RASEF: variants seen among roughly 807,000 people sequenced by gnomAD.
RASEF encodes ras and EF-hand domain-containing protein.
RASEF carries 68 observed loss-of-function variants against 90.1 expected under a neutral mutation model. The ratio of observed to expected loss-of-function variants is 0.75; its 90% confidence interval spans 0.62 to 0.92. The LOEUF is 0.92. Ranked by LOEUF, RASEF falls within the 40% of genes least tolerant of loss-of-function variation. The probability of loss-of-function intolerance (pLI) is 0.00; values close to 1 mark genes in which losing one functional copy is unlikely to be tolerated. For missense variants in RASEF, 949 were observed against 937.2 expected (o/e 1.01, Z -0.16); for synonymous variants, 331 against 345.2 (o/e 0.96, Z 0.46).
the RASEF span, among the ~76,000 whole-genome samples, chr9:83,078,521 G>A: frequency 2.6e-5 from 4 of 152,020 alleles, no homozygotes; most frequent in South Asian, 4.2e-4. Flanking sequence ...AAAATTGGTC[G>A]GGCGTGGTGG....
chr9:83,169,481 A>C, the RASEF span, among the ~76,000 whole-genome samples: 1 of 151,758 alleles, frequency 6.6e-6, no homozygotes, highest in Non-Finnish European at 1.5e-5. Context: ...TGGCTGTGCT[A>C]ATTTACATTG....
chr9:83,012,450 A>G lies in RASEF; in HGVS notation c.827T>C (p.Ile276Thr). The change falls in exon 5 of 17, where the codon ATT becomes ACT. Residue 276 changes from isoleucine to threonine, a missense_variant. Around this residue, in one of 3 missense-constraint regions of RASEF, gnomAD observed 656 missense variants for 592.2 expected, o/e 1.11. Transcript: ENST00000376447. ...AATTCTTACCATTGATAAATCATAA[A>G]TTTGTTTTTTCAATGCAGCCACATC... ...KEDVAALKKQIYDLSMENQKV... is the reference protein window; with the variant it reads ...KEDVAALKKQTYDLSMENQKV... 1 of 1,575,572 alleles carries G rather than the reference A, an allele frequency of 6.3e-7. No homozygotes were observed. Among genetic ancestry groups the G allele is most frequent in the Non-Finnish European group, 8.6e-7 (1 of 1,156,430 alleles).
chr9:83,149,499 G>T, the RASEF span, among the ~76,000 whole-genome samples: 4 of 152,164 alleles, frequency 2.6e-5, no homozygotes, highest in Non-Finnish European at 5.9e-5. Context: ...AAAGGAAATG[G>T]TGTGTAAGAA....
At position 82,990,476 on chromosome 9, in the gene RASEF, A is replaced by G; in HGVS notation, c.2041-9T>C. 1 of 1,599,698 alleles carries G rather than the reference A, an allele frequency of 6.3e-7. No individual in the cohort carries two copies. The highest frequency in any genetic ancestry group is 8.6e-7 in the Non-Finnish European group (1 of 1,168,020). ...AATAATGCCCCATACGTCTGTAAAA[A>G]AGAAATACACACAATTAAATGAAGC... On this transcript the variant is annotated splice_polypyrimidine_tract_variant and intron_variant, in intron 15 of 16. Transcript: ENST00000376447.
At chr9:83,047,071 C>A (rs1829947156) in intron 1 of RASEF, among the ~76,000 whole-genome samples, 1 of 151,986 alleles carries the variant, frequency 6.6e-6, no homozygotes, top group Non-Finnish European at 1.5e-5. Flanking sequence ...AGAAGACACC[C>A]CAAAACAAAA....
chr9:83,106,089 G>A, the RASEF span, among the ~76,000 whole-genome samples: 1 of 152,156 alleles, frequency 6.6e-6, no homozygotes, highest in South Asian at 2.1e-4. Context: ...TCTCTTACCT[G>A]GTACTTTTGG....
chr9:83,055,656 T>C (rs1314991999), intron 1 of RASEF: 4 of 717,944 alleles, frequency 5.6e-6, no homozygotes, highest in Admixed American at 2.0e-5. Flanking sequence ...CGAACACAAA[T>C]GCAGGTTTTG....
At chr9:83,040,913 T>A (rs1027369689) in intron 1 of RASEF, among the ~76,000 whole-genome samples, 4 of 152,192 alleles carry the variant, frequency 2.6e-5, no homozygotes, top group Admixed American at 2.6e-4. Context: ...CAGGCTGGAG[T>A]GCAATGGCAC....
the RASEF span, among the ~76,000 whole-genome samples, chr9:83,170,281 C>A: frequency 6.6e-6 from 1 of 151,968 alleles, no homozygotes; most frequent in Admixed American, 6.6e-5. Context: ...TTGCATTGGT[C>A]TATGTGTCTG....
intron 1 of RASEF, among the ~76,000 whole-genome samples, chr9:83,038,441 A>G (rs903122377): frequency 2.6e-5 from 4 of 152,168 alleles, no homozygotes; most frequent in Non-Finnish European, 5.9e-5. Flanking sequence ...TCAAAAAATG[A>G]AACCATAACT....
At chr9:83,180,811 G>T in the RASEF span, among the ~76,000 whole-genome samples, 1 of 151,906 alleles carries the variant, frequency 6.6e-6, no homozygotes, top group African/African-American at 2.4e-5. Flanking sequence ...AAATTGGGAT[G>T]CAGTTACCAA....
the RASEF span, among the ~76,000 whole-genome samples, chr9:83,177,906 G>A: frequency 2.6e-5 from 4 of 151,856 alleles, no homozygotes; most frequent in East Asian, 7.7e-4. Context: ...CATGGTTGCT[G>A]GCATGCTTAC....
At chr9:83,047,870 C>T (rs1452780397) in intron 1 of RASEF, among the ~76,000 whole-genome samples, 1 of 152,168 alleles carries the variant, frequency 6.6e-6, no homozygotes, top group South Asian at 2.1e-4. Context: ...TGAGATCAAA[C>T]CTAACATTTG....
At chr9:83,189,208 C>T in the RASEF span, among the ~76,000 whole-genome samples, 1 of 152,180 alleles carries the variant, frequency 6.6e-6, no homozygotes, top group Non-Finnish European at 1.5e-5. Flanking sequence ...TGAGTGAGTT[C>T]TAATGACATC....
At chr9:83,216,281 T>C in the RASEF span, among the ~76,000 whole-genome samples, 1 of 152,078 alleles carries the variant, frequency 6.6e-6, no homozygotes, top group Non-Finnish European at 1.5e-5. Context: ...TCAGACAGCT[T>C]TGTGGAAGCC....
rs1466838845 is a variant in RASEF at position 83,032,989 on chromosome 9, A to G, written c.432-7068T>C. ...ACAGACAACTTCACTCCACATTAAG[A>G]AACACAGTGATCCAGTAGGGTGCTT... On this transcript the variant is annotated intron_variant, in intron 1 of 16. Transcript: ENST00000376447. 1.3e-5 allele frequency among the ~76,000 whole-genome samples: 2 copies of G among 152,198 alleles called. 1 individual carries two copies. Among genetic ancestry groups the G allele is most frequent in the East Asian group, 3.8e-4 (2 of 5,200 alleles).
the RASEF span, among the ~76,000 whole-genome samples, chr9:83,113,543 A>G: frequency 6.6e-6 from 1 of 152,196 alleles, no homozygotes; most frequent in African/African-American, 2.4e-5. Flanking sequence ...AAGCTTATAA[A>G]TGGATGTGTG....
chr9:82,988,082 T>A (rs1368046797), intron 16 of RASEF, among the ~76,000 whole-genome samples: 2 of 152,212 alleles, frequency 1.3e-5, no homozygotes, highest in African/African-American at 2.4e-5. Flanking sequence ...AGCAACTATA[T>A]CACTTCCATC....
At chr9:83,015,189 T>C (rs897233045) in intron 4 of RASEF, among the ~76,000 whole-genome samples, 3 of 152,300 alleles carry the variant, frequency 2.0e-5, no homozygotes, top group Non-Finnish European at 2.9e-5. Flanking sequence ...ACGGGGATAT[T>C]TGACATGACC....
Sources: allele counts gnomAD v4.1 joint callset (sites outside exome capture counted in the v4.1 genomes callset), GRCh38; gene constraint gnomAD v4.1.1; regional missense constraint gnomAD v4.1.1; transcripts MANE v1.5; gene names NCBI Gene and HGNC (gene_info 2026-07-23, HGNC 2026-07-21).